The following OSBP2 variants were observed in gnomAD, a reference collection of about 807,000 sequenced individuals.
The protein encoded by OSBP2 is oxysterol-binding protein 2.
A neutral mutation model predicts 96.0 loss-of-function variants in OSBP2; 66 were observed. The ratio of observed to expected loss-of-function variants is 0.69; its 90% CI spans 0.56 to 0.84. The LOEUF (loss-of-function observed/expected upper bound fraction) is 0.84, where lower values mean the gene tolerates loss of function less well. Among genes scored for constraint, OSBP2 ranks in the 40% least tolerant of loss-of-function variants. The pLI, the probability that OSBP2 is intolerant of heterozygous loss-of-function variation, is 0.00. For synonymous variants in OSBP2, 525 were observed against 520.9 expected (o/e 1.01, Z -0.11); for missense variants, 1,038 against 1,222.7 (o/e 0.85, Z 2.25).
In OSBP2 at chr22:30,888,211, CTG is replaced by C; in HGVS notation, c.1301-8_1301-7del. On this transcript the variant is annotated splice_polypyrimidine_tract_variant and intron_variant, in intron 4 of 13. Transcript: ENST00000332585. ...GTGAGGTTACAAATTAAAGCTCTGT[CTG>C]TGTCTCTAGGAAGCCTCTTGACTCC... The C allele has an allele frequency of 6.5e-7, 1 of 1,536,560 alleles. No individual in the cohort carries two copies. Among genetic ancestry groups the C allele is most frequent in the South Asian group, 1.1e-5 (1 of 89,444 alleles).
At chr22:30,872,712 G>A (rs1427170891) in intron 3 of OSBP2, among the ~76,000 whole-genome samples, 2 of 152,232 alleles carry the variant, frequency 1.3e-5, no homozygotes, top group African/African-American at 4.8e-5. Context: ...GGGAGGGCAG[G>A]AGTGCAGTGC....
At chr22:30,864,522 G>A (rs2039288846) in intron 2 of OSBP2, among the ~76,000 whole-genome samples, 2 of 152,214 alleles carry the variant, frequency 1.3e-5, no homozygotes, top group Non-Finnish European at 2.9e-5. Context: ...TGAAGAACCA[G>A]GAAGGAGAAA....
intron 1 of OSBP2, among the ~76,000 whole-genome samples, chr22:30,705,659 T>C (rs9606766): frequency 0.17 from 26,205 of 152,182 alleles, 2,588 homozygotes; most frequent in Middle Eastern, 0.24. Flanking sequence ...CTACTGAACC[T>C]TGTACGTTTC....
At chr22:30,834,681 C>T (rs2038595921) in intron 2 of OSBP2, among the ~76,000 whole-genome samples, 1 of 151,994 alleles carries the variant, frequency 6.6e-6, no homozygotes, top group South Asian at 2.1e-4. Context: ...AAATCCTTTG[C>T]CTATTATCTA....
chr22:30,856,653 C>T (rs1178001201), intron 2 of OSBP2, among the ~76,000 whole-genome samples: 1 of 152,014 alleles, frequency 6.6e-6, no homozygotes, highest in Admixed American at 6.6e-5. Flanking sequence ...TCCCAAAGTG[C>T]TGAGATTACA....
intron 2 of OSBP2, among the ~76,000 whole-genome samples, chr22:30,869,312 C>G (rs894908210): frequency 2.0e-5 from 3 of 152,236 alleles, no homozygotes; most frequent in Admixed American, 2.0e-4. Context: ...TATGACTTCA[C>G]CTCTCAGAGC....
At chr22:30,849,716 C>G (rs1338866357) in intron 2 of OSBP2, among the ~76,000 whole-genome samples, 1 of 152,128 alleles carries the variant, frequency 6.6e-6, no homozygotes, top group Non-Finnish European at 1.5e-5. Flanking sequence ...TCTGAGATCA[C>G]ATGATTTTAA....
chr22:30,814,374 T>G (rs1485923703), intron 2 of OSBP2, among the ~76,000 whole-genome samples: 1 of 151,572 alleles, frequency 6.6e-6, no homozygotes, highest in African/African-American at 2.4e-5. Context: ...CCTCATTTCC[T>G]CCTCTTCTTA....
chr22:30,883,363 G>A (rs1382976533), intron 3 of OSBP2, among the ~76,000 whole-genome samples: 1 of 152,232 alleles, frequency 6.6e-6, no homozygotes, highest in Admixed American at 6.5e-5. Context: ...GTCCCGGGAT[G>A]CAGGGGACTT....
intron 2 of OSBP2, among the ~76,000 whole-genome samples, chr22:30,769,880 C>T (rs747008817): frequency 6.6e-6 from 1 of 152,048 alleles, no homozygotes; most frequent in Non-Finnish European, 1.5e-5. Flanking sequence ...CTGTGTCTCA[C>T]CCAAATCTCA....
At chr22:30,906,123 G>T in intron 13 of OSBP2, 54 bp downstream of exon 13, 1 of 1,608,100 alleles carries the variant, frequency 6.2e-7, no homozygotes, top group South Asian at 1.1e-5. Context: ...TGCCCGGGTG[G>T]GGGTGCCGCA....
intron 1 of OSBP2, among the ~76,000 whole-genome samples, chr22:30,714,060 A>C (rs970610587): frequency 2.0e-5 from 3 of 151,604 alleles, no homozygotes; most frequent in Non-Finnish European, 4.4e-5. Flanking sequence ...CTTCTCCCCC[A>C]CTTCCCTCTA....
chr22:30,760,412 C>G, intron 2 of OSBP2, among the ~76,000 whole-genome samples: 1 of 152,244 alleles, frequency 6.6e-6, no homozygotes, highest in East Asian at 1.9e-4. Context: ...AAAATATTAA[C>G]AATTTGAAAC....
chr22:30,810,691 A>G (rs552687357), intron 2 of OSBP2, among the ~76,000 whole-genome samples: 20 of 152,260 alleles, frequency 1.3e-4, no homozygotes, highest in African/African-American at 4.6e-4. Context: ...GCCCGTCACC[A>G]TGGGCGGCTC....
intron 2 of OSBP2, among the ~76,000 whole-genome samples, chr22:30,781,768 G>A (rs2090522488): frequency 6.6e-6 from 1 of 152,204 alleles, no homozygotes; most frequent in South Asian, 2.1e-4. Context: ...CAGGCTTGCA[G>A]TGATTGTCCC....
At chr22:30,797,603 ATTT>A (rs777613052) in intron 2 of OSBP2, among the ~76,000 whole-genome samples, 1 of 111,774 alleles carries the variant, frequency 8.9e-6, no homozygotes. Flanking sequence ...TATTTAACTA[ATTT>A]TTTTTTTTTT....
At chr22:30,862,782 G>A (rs183553879) in intron 2 of OSBP2, among the ~76,000 whole-genome samples, 31 of 151,974 alleles carry the variant, frequency 2.0e-4, no homozygotes, top group African/African-American at 7.2e-4. Flanking sequence ...GACCAGCCTG[G>A]CCAACATAGT....
rs116736086 is a variant in OSBP2, at chr22:30,733,997, C to T, written c.645-7164C>T. 2.0e-3 allele frequency among the ~76,000 whole-genome samples: 310 copies of T among 151,438 alleles called. 3 individuals carry two copies. Among genetic ancestry groups the T allele is most frequent in the African/African-American group, 7.2e-3 (296 of 41,280 alleles). ...ATACATTATCATTTTTTTTTTGAGA[C>T]GGAGTTTAGCTCTGTCACCCAGGCT... is the stretch of plus-strand genomic sequence containing the variant. On this transcript the variant is annotated intron_variant, in intron 1 of 13. Transcript: ENST00000332585.
intron 2 of OSBP2, among the ~76,000 whole-genome samples, chr22:30,771,459 C>T (rs2090346353): frequency 6.6e-6 from 1 of 152,228 alleles, no homozygotes; most frequent in South Asian, 2.1e-4. Context: ...GAGGCTGGCT[C>T]TTGGCAGCAC....
Sources: gnomAD v4.1 joint callset for allele counts (sites outside exome capture counted in the v4.1 genomes callset) on GRCh38, gnomAD v4.1.1 for gene constraint, MANE v1.5 for transcripts, NCBI Gene and HGNC (gene_info 2026-07-23, HGNC 2026-07-21) for gene names.